Variants in HAT1 observed in about 807,000 individuals in gnomAD.
HAT1 encodes the protein histone acetyltransferase 1, also known as histone acetyltransferase type B catalytic subunit.
A neutral mutation model predicts 56.6 loss-of-function variants in HAT1; 20 were observed. The ratio of observed to expected loss-of-function variants is 0.35; its 90% confidence interval spans 0.25 to 0.51. The LOEUF is 0.51. Ranked by LOEUF, HAT1 falls within the 20% of genes least tolerant of loss-of-function variation. HAT1 has a pLI of 0.95. For missense variants in HAT1, 408 were observed against 504.3 expected (o/e 0.81, Z 1.83); for synonymous variants, 146 against 165.5 (o/e 0.88, Z 0.91).
intron 4 of HAT1, among the ~76,000 whole-genome samples, chr2:171,964,168 T>C (rs1350303177): frequency 4.6e-5 from 7 of 152,158 alleles, no homozygotes; most frequent in African/African-American, 1.7e-4. Context: ...TAGTAGCATG[T>C]TGTATTAGCC....
At chr2:171,950,543 G>A (rs1232704054) in intron 3 of HAT1, among the ~76,000 whole-genome samples, 3 of 151,820 alleles carry the variant, frequency 2.0e-5, no homozygotes, top group Non-Finnish European at 2.9e-5. Context: ...TCACTCTGTT[G>A]CCCAGGCTGG....
At chr2:171,945,453 C>A (rs991978568) in intron 2 of HAT1, among the ~76,000 whole-genome samples, 1 of 148,442 alleles carries the variant, frequency 6.7e-6, no homozygotes, top group East Asian at 2.0e-4. Flanking sequence ...TAAACTGTTA[C>A]AATATTTTTA....
chr2:171,937,706 A>G (rs1282861682), intron 2 of HAT1, among the ~76,000 whole-genome samples: 1 of 152,208 alleles, frequency 6.6e-6, no homozygotes. Flanking sequence ...CACTAATTGT[A>G]CAATAAAGTC....
chr2:171,975,209 AT>A (rs1425022419), intron 8 of HAT1, among the ~76,000 whole-genome samples: 1 of 150,822 alleles, frequency 6.6e-6, no homozygotes, highest in Non-Finnish European at 1.5e-5. Context: ...GGTTCAAGCG[AT>A]TCTTCTGCCT....
chr2:171,960,247 T>C (rs1373261547), intron 4 of HAT1, among the ~76,000 whole-genome samples: 1 of 152,156 alleles, frequency 6.6e-6, no homozygotes, highest in Non-Finnish European at 1.5e-5. Context: ...CTGGACTTAG[T>C]TGTCAGAGTA....
chr2:171,925,458 C>A, intron 1 of HAT1, 79 bp from the exon 2 acceptor site: 2 of 714,532 alleles, frequency 2.8e-6, no homozygotes, highest in South Asian at 1.6e-5. Context: ...TACCCCTATT[C>A]CACTTATAAT....
chr2:171,950,848 C>T (rs931323168), intron 3 of HAT1, among the ~76,000 whole-genome samples: 2 of 151,768 alleles, frequency 1.3e-5, no homozygotes, highest in African/African-American at 2.4e-5. Context: ...TCTTGTTGCC[C>T]AGGCTGGAGT....
rs386652738 is a variant in HAT1 at position 171,967,074 on chromosome 2, TAAAG to T, written c.823+127_823+130del. 101 of 585,438 alleles carry T rather than the reference TAAAG, an allele frequency of 1.7e-4. 2 individuals carry two copies. Among genetic ancestry groups the T allele is most frequent in the African/African-American group, 1.7e-3 (88 of 52,880 alleles). 36.3% of individuals were successfully genotyped at this position (585,438 alleles called of 1,614,324 possible). A position where few individuals can be genotyped will look rare whatever the true frequency, so the allele number is the denominator to read the frequency against. ...ATTTTCCTAGGGTGTTTAAGCCATC[TAAAG>T]ATGGCTTAAGTTTATGTTTTAGAGC... On this transcript the variant is annotated intron_variant, in intron 8 of 10. Coordinates refer to ENST00000264108, the MANE Select transcript of HAT1 (RefSeq NM_003642.4).
chr2:171,933,710 T>A (rs1686799448), intron 2 of HAT1, among the ~76,000 whole-genome samples: 1 of 152,220 alleles, frequency 6.6e-6, no homozygotes, highest in Non-Finnish European at 1.5e-5. Flanking sequence ...GGGACTTTTC[T>A]AGCTGTCTTA....
At chr2:171,934,841 C>T (rs1211576406) in intron 2 of HAT1, among the ~76,000 whole-genome samples, 8 of 150,380 alleles carry the variant, frequency 5.3e-5, no homozygotes, top group Admixed American at 1.3e-4. Flanking sequence ...CTGCAACCTC[C>T]GCCTCTGGAG....
At chr2:171,940,246 G>A (rs1291606115) in intron 2 of HAT1, among the ~76,000 whole-genome samples, 1 of 152,160 alleles carries the variant, frequency 6.6e-6, no homozygotes, top group Non-Finnish European at 1.5e-5. Context: ...TACACATAAC[G>A]TATTCTCATG....
In HAT1 at chr2:171,946,735, A is replaced by G. The variant is rs141263276; in HGVS notation, c.140A>G (p.Asp47Gly). The G allele has an allele frequency of 2.2e-5, 35 of 1,583,872 alleles. No homozygotes were observed. The highest frequency in any genetic ancestry group is 3.4e-5 in the Admixed American group (2 of 58,162). Residue 47 changes from aspartate (D) to glycine (G), a missense_variant, in exon 3 of 11, where the codon GAC becomes GGC. Coordinates refer to ENST00000264108, the MANE Select transcript of HAT1 (RefSeq NM_003642.4). The stretch of plus-strand genomic sequence containing the variant: ...CGTTTTCCTGAAGATCTTGAAAATG[A>G]CATTAGAACTTTCTTTCCTGAGTAT... ...LVRFPEDLEN[D>G]IRTFFPEYTH...
intron 10 of HAT1, chr2:171,979,754 C>T (rs149944898): frequency 0.034 from 5,470 of 159,952 alleles, 127 homozygotes; most frequent in Non-Finnish European, 0.05. Context: ...TTGCTGTGAG[C>T]CAAGATTGCA....
Position 171,946,734 on chromosome 2 carries a change from G to T in HAT1, c.139G>T (p.Asp47Tyr). 6.3e-7 allele frequency: 1 copy of T among 1,583,170 alleles called. No homozygotes were observed. Among genetic ancestry groups the T allele is most frequent in the South Asian group, 1.1e-5 (1 of 87,778 alleles). Reference sequence around the variant, plus strand: ...TCGTTTTCCTGAAGATCTTGAAAATGACATTAGAACTTTCTTTCCTGAGTA... The same window carrying T: ...TCGTTTTCCTGAAGATCTTGAAAATTACATTAGAACTTTCTTTCCTGAGTA... Reference protein sequence around the residue: ...LVRFPEDLENDIRTFFPEYTH... With the variant: ...LVRFPEDLENYIRTFFPEYTH... Residue 47 changes from aspartate (D) to tyrosine (Y), a missense_variant, in exon 3 of 11, where the codon GAC (aspartate) becomes TAC (tyrosine). Transcript: ENST00000264108.
chr2:171,946,238 C>CA (rs1191170173), intron 2 of HAT1, among the ~76,000 whole-genome samples: 3 of 152,058 alleles, frequency 2.0e-5, no homozygotes, highest in Non-Finnish European at 4.4e-5. Flanking sequence ...TTTTTAATAG[C>CA]AAAAAACAAA....
intron 4 of HAT1, among the ~76,000 whole-genome samples, chr2:171,963,314 A>G (rs968285849): frequency 5.3e-5 from 8 of 151,814 alleles, no homozygotes; most frequent in African/African-American, 1.9e-4. Flanking sequence ...AAAGCAAACT[A>G]TTTTATTTGA....
At chr2:171,970,197 G>A (rs1687779421) in intron 8 of HAT1, among the ~76,000 whole-genome samples, 1 of 151,904 alleles carries the variant, frequency 6.6e-6, no homozygotes, top group Non-Finnish European at 1.5e-5. Context: ...CGAGGCAGGT[G>A]GATCACGAGG....
intron 9 of HAT1, 76 bp downstream of exon 9, chr2:171,976,384 T>C: frequency 2.7e-6 from 2 of 746,754 alleles, no homozygotes; most frequent in Admixed American, 3.4e-5. Flanking sequence ...AACTAAAATA[T>C]TATAAAGACA....
intron 4 of HAT1, among the ~76,000 whole-genome samples, chr2:171,954,734 G>GT (rs1687398763): frequency 6.6e-6 from 1 of 152,184 alleles, no homozygotes; most frequent in African/African-American, 2.4e-5. Flanking sequence ...CTGAATAATG[G>GT]TTCCCCCCAA....
Sources: allele counts gnomAD v4.1 joint callset (sites outside exome capture counted in the v4.1 genomes callset), GRCh38; gene constraint gnomAD v4.1.1; transcripts MANE v1.5; gene names NCBI Gene and HGNC (gene_info 2026-07-23, HGNC 2026-07-21).